Variants in SELENOI observed in about 807,000 individuals in gnomAD.
SELENOI encodes the protein ethanolaminephosphotransferase 1.
SELENOI carries 24 observed loss-of-function variants against 50.7 expected under a neutral mutation model. The observed-to-expected ratio is 0.47, with a 90% confidence interval of 0.34 to 0.67. SELENOI has a LOEUF of 0.67. Among genes scored for constraint, SELENOI ranks in the 30% least tolerant of loss-of-function variants. The pLI is 0.01. For synonymous variants in SELENOI, 155 were observed against 170.2 expected (o/e 0.91, Z 0.70); for missense variants, 352 against 461.4 (o/e 0.76, Z 2.17).
intron 3 of SELENOI, 107 bp downstream of exon 3, chr2:26,365,047 A>G: frequency 1.3e-6 from 1 of 777,792 alleles, no homozygotes; most frequent in South Asian, 2.3e-5. Flanking sequence ...AAAATTTTGA[A>G]TATTATAATG....
At chr2:26,375,533 A>G (rs932904496) in intron 6 of SELENOI, among the ~76,000 whole-genome samples, 1 of 152,346 alleles carries the variant, frequency 6.6e-6, no homozygotes. Context: ...TTATTTTATA[A>G]TGTATCCACT....
At chr2:26,378,140 G>A (rs978604166) in intron 6 of SELENOI, among the ~76,000 whole-genome samples, 3 of 152,142 alleles carry the variant, frequency 2.0e-5, no homozygotes, top group African/African-American at 7.2e-5. Context: ...TTTGGGCAAA[G>A]TCGATACTGA....
chr2:26,388,537 C>T (rs1004824379), intron 9 of SELENOI, among the ~76,000 whole-genome samples: 2 of 152,184 alleles, frequency 1.3e-5, no homozygotes, highest in African/African-American at 2.4e-5. Context: ...GACATGCACT[C>T]GCTGACCTAT....
At chr2:26,370,927 GGCT>G in intron 4 of SELENOI, among the ~76,000 whole-genome samples, 1 of 96,644 alleles carries the variant, frequency 1.0e-5, no homozygotes. Context: ...CCGGGCGGGG[GGCT>G]GACCCCCCCA....
Position 26,371,068 on chromosome 2 carries a change from C to T in SELENOI, c.311-2299C>T, listed in dbSNP as rs1440774039. ...TAGGGGCGGCCGGGCAGAGGCGCCC[C>T]TCACCTCCCGGACGGGGCGGCTGGC... On this transcript the variant is annotated intron_variant, in intron 4 of 9. Coordinates refer to ENST00000260585, the MANE Select transcript of SELENOI (RefSeq NM_033505.4). Among the ~76,000 whole-genome samples, 242 of 147,940 alleles carry T rather than the reference C, an allele frequency of 1.6e-3. 3 individuals are homozygous for T. The highest frequency in any genetic ancestry group is 5.4e-3 in the African/African-American group (218 of 40,238).
chr2:26,370,857 G>C (rs1260331873), intron 4 of SELENOI, among the ~76,000 whole-genome samples: 12 of 121,646 alleles, frequency 9.9e-5, no homozygotes, highest in Admixed American at 9.5e-4. Context: ...CCTCCCGGAC[G>C]GGGCGGCTGG....
chr2:26,387,695 C>CAAAAAAAAAAA (rs60220320), intron 9 of SELENOI, among the ~76,000 whole-genome samples: 1 of 99,202 alleles, frequency 1.0e-5, no homozygotes, highest in Non-Finnish European at 2.1e-5. Flanking sequence ...GACCCTGTCT[C>CAAAAAAAAAAA]AAAAAAAAAA....
At position 26,395,397 on chromosome 2, in the gene SELENOI, G is replaced by A. The variant is rs111416696; in HGVS notation, c.*6294G>A. ...ACTTTCCCATTTTCCTTTAACCATG[G>A]GTTGTGTGAGCCAGAAAGAGCTTTG... On this transcript the variant is annotated 3_prime_UTR_variant, in exon 10 of 10. Coordinates refer to ENST00000260585, the MANE Select transcript of SELENOI (RefSeq NM_033505.4). The A allele has an allele frequency of 2.0e-5, 3 of 152,164 alleles. No homozygotes were observed. Among genetic ancestry groups the A allele is most frequent in the African/African-American group, 7.2e-5 (3 of 41,420 alleles). 9.4% of individuals were successfully genotyped at this position (152,164 alleles called of 1,614,324 possible). A position where few individuals can be genotyped will look rare whatever the true frequency, so the allele number is the denominator to read the frequency against.
At chr2:26,353,755 T>G (rs1242453807) in intron 1 of SELENOI, among the ~76,000 whole-genome samples, 1 of 152,216 alleles carries the variant, frequency 6.6e-6, no homozygotes. Context: ...ACTACATTTT[T>G]AGGTGCTATT....
chr2:26,354,734 G>C (rs914457472), intron 1 of SELENOI, among the ~76,000 whole-genome samples: 3 of 152,142 alleles, frequency 2.0e-5, no homozygotes, highest in Non-Finnish European at 4.4e-5. Context: ...TTAGAATAAA[G>C]ACCTTCAATG....
intron 1 of SELENOI, among the ~76,000 whole-genome samples, chr2:26,361,168 C>T (rs574119772): frequency 1.3e-5 from 2 of 152,072 alleles, no homozygotes; most frequent in Admixed American, 6.5e-5. Context: ...GAGCCAAGAT[C>T]GCGCCACTGC....
chr2:26,348,191 C>T (rs979804675), intron 1 of SELENOI, among the ~76,000 whole-genome samples: 55 of 152,094 alleles, frequency 3.6e-4, no homozygotes, highest in African/African-American at 1.2e-3. Context: ...CTTATCGTTG[C>T]GTTCCCCTTA....
Position 26,383,293 on chromosome 2 carries a change from CT to C in SELENOI, c.683-3del. On this transcript the variant is annotated splice_region_variant and splice_polypyrimidine_tract_variant and intron_variant, in intron 6 of 9. Coordinates refer to ENST00000260585, the MANE Select transcript of SELENOI (RefSeq NM_033505.4). ...AGCATAATAATTGAATAATTATTCCCTTTAGGTTGTGCATTATGTGTGACTC... is the reference window on the plus strand; with the variant it reads ...AGCATAATAATTGAATAATTATTCCCTTAGGTTGTGCATTATGTGTGACTC... The C allele has an allele frequency of 6.5e-7, 1 of 1,530,076 alleles. No homozygotes were observed. Among genetic ancestry groups the C allele is most frequent in the African/African-American group, 1.4e-5 (1 of 73,020 alleles). The allele number at this position is 1,530,076 out of a possible 1,614,324, so 94.8% of individuals were successfully genotyped here.
chr2:26,374,539 T>C (rs1677524791), intron 5 of SELENOI, among the ~76,000 whole-genome samples: 1 of 152,088 alleles, frequency 6.6e-6, no homozygotes, highest in Non-Finnish European at 1.5e-5. Flanking sequence ...GTTAGTTATT[T>C]TATAGCATTG....
At chr2:26,346,831 A>G (rs1388472704) in intron 1 of SELENOI, 1 of 152,594 alleles carries the variant, frequency 6.6e-6, no homozygotes, top group Non-Finnish European at 1.5e-5. Context: ...CACAGGAAGG[A>G]GCTGTGGAGT....
chr2:26,373,332 C>G, intron 4 of SELENOI, 35 bp from the exon 5 acceptor site: 1 of 1,584,366 alleles, frequency 6.3e-7, no homozygotes, highest in Non-Finnish European at 8.6e-7. Context: ...CTGGTGCATA[C>G]GTTGAACTTT....
At chr2:26,364,436 G>A in intron 2 of SELENOI, 66 bp downstream of exon 2, 4 of 1,075,988 alleles carry the variant, frequency 3.7e-6, no homozygotes, top group Middle Eastern at 2.7e-4. Flanking sequence ...CCTATTTTAT[G>A]GAGTATTATA....
rs57102834 is a variant in SELENOI at position 26,381,198 on chromosome 2, C to CTTTTTTTTTTTTTTTTTTTTTTT, written c.683-2092_683-2070dup. ...TGGATTGTATCTCCTTCAGTTTGGTCTTTTTTTTTTTTTTTTTTTTTTTTT... is the reference window on the plus strand; with the variant it reads ...TGGATTGTATCTCCTTCAGTTTGGTCTTTTTTTTTTTTTTTTTTTTTTTTTTTTTTTTTTTTTTTTTTTTTTTT... On this transcript the variant is annotated intron_variant, in intron 6 of 9. Transcript: ENST00000260585. Among the ~76,000 whole-genome samples the CTTTTTTTTTTTTTTTTTTTTTTT allele has an allele frequency of 2.0e-4, 6 of 30,198 alleles. 1 individual carries two copies. The highest frequency in any genetic ancestry group is 1.1e-3 in the African/African-American group (6 of 5,532). 19.8% of individuals were successfully genotyped at this position (30,198 alleles called of 152,430 possible).
At position 26,378,388 on chromosome 2, in the gene SELENOI, T is replaced by C. The variant is rs79694116; in HGVS notation, c.682+3240T>C. On this transcript the variant is annotated intron_variant, in intron 6 of 9. Transcript: ENST00000260585. ...CACAGCATCTCCTCTACTTTCTGCC[T>C]TCTCTTTCACTATGTTCTGTGGGGT... Among the ~76,000 whole-genome samples, 1,331 of 152,344 alleles carry C rather than the reference T, an allele frequency of 8.7e-3. 19 individuals are homozygous for C. The highest frequency in any genetic ancestry group is 0.031 in the African/African-American group (1,269 of 41,570).
Sources: allele counts gnomAD v4.1 joint callset (sites outside exome capture counted in the v4.1 genomes callset), GRCh38; gene constraint gnomAD v4.1.1; transcripts MANE v1.5; gene names NCBI Gene and HGNC (gene_info 2026-07-23, HGNC 2026-07-21).